NEBL: variants seen among roughly 807,000 people sequenced by gnomAD.
NEBL encodes the protein LIM and SH3 protein 2.
A neutral mutation model predicts 140.2 loss-of-function variants in NEBL; 122 were observed. That is an observed-to-expected ratio of 0.87 (90% CI 0.75 to 1.01). The LOEUF is 1.01. NEBL is among the 50% of genes least tolerant of loss of function. The pLI is 0.00. For missense variants in NEBL, 1,365 were observed against 1,231.3 expected (o/e 1.11, Z -1.62); for synonymous variants, 436 against 398.9 (o/e 1.09, Z -1.11).
intron 2 of NEBL, chr10:21,029,112 C>T (rs1191580473): frequency 1.6e-6 from 2 of 1,254,266 alleles, no homozygotes; most frequent in East Asian, 2.3e-5. Flanking sequence ...CCAAACCAGT[C>T]AGCTGGGCTG....
intron 21 of NEBL, among the ~76,000 whole-genome samples, chr10:20,817,278 G>T (rs1400115630): frequency 6.6e-6 from 1 of 152,082 alleles, no homozygotes; most frequent in Admixed American, 6.6e-5. Flanking sequence ...GAGCTGGGAG[G>T]ATCACTTGAA....
At chr10:20,844,333 G>A (rs1841698929) in intron 12 of NEBL, among the ~76,000 whole-genome samples, 2 of 151,346 alleles carry the variant, frequency 1.3e-5, no homozygotes, top group Admixed American at 1.3e-4. Context: ...TCATATGTAT[G>A]TATGTAATAT....
At chr10:21,156,579 A>T (rs1589293373) in intron 2 of NEBL, among the ~76,000 whole-genome samples, 1 of 152,048 alleles carries the variant, frequency 6.6e-6, no homozygotes, top group South Asian at 2.1e-4. Flanking sequence ...ATCACAGGAC[A>T]TAACTATGCT....
intron 2 of NEBL, among the ~76,000 whole-genome samples, chr10:21,148,069 A>G (rs1018565113): frequency 6.6e-6 from 1 of 152,252 alleles, no homozygotes; most frequent in African/African-American, 2.4e-5. Flanking sequence ...ATACAAGGCT[A>G]GAAGAATTTA....
intron 13 of NEBL, among the ~76,000 whole-genome samples, chr10:20,836,931 A>G (rs962157887): frequency 2.0e-5 from 3 of 152,100 alleles, no homozygotes; most frequent in Non-Finnish European, 4.4e-5. Context: ...GCACCCCTAT[A>G]AGTCAGTGAA....
chr10:20,817,087 C>CA (rs1382782650), intron 21 of NEBL, among the ~76,000 whole-genome samples: 1 of 151,904 alleles, frequency 6.6e-6, no homozygotes. Flanking sequence ...AACAACCTGT[C>CA]AAAAAAAGTC....
intron 4 of NEBL, among the ~76,000 whole-genome samples, chr10:20,954,345 T>C (rs1478855825): frequency 6.6e-6 from 1 of 152,172 alleles, no homozygotes; most frequent in African/African-American, 2.4e-5. Context: ...GTTTATTAAA[T>C]ATGGCAGTGG....
Position 20,842,580 on chromosome 10 carries a change from T to C in NEBL, c.1228-1731A>G, listed in dbSNP as rs79274475. Among the ~76,000 whole-genome samples, 365 of 152,218 alleles carry C rather than the reference T, an allele frequency of 2.4e-3. 12 individuals carry two copies. In the East Asian group the frequency reaches 0.053, roughly 22 times the overall value. On this transcript the variant is annotated intron_variant, in intron 12 of 27. Transcript: ENST00000377122. ...AGACAAGCTATAACTATTTTTTAAGTTAATTTTTAAAAAATTCTTATTGGA... is the reference window on the plus strand; with the variant it reads ...AGACAAGCTATAACTATTTTTTAAGCTAATTTTTAAAAAATTCTTATTGGA...
At chr10:21,158,962 T>C (rs556053566) in intron 2 of NEBL, among the ~76,000 whole-genome samples, 2 of 152,190 alleles carry the variant, frequency 1.3e-5, no homozygotes, top group South Asian at 4.1e-4. Context: ...GTCTTTAGAA[T>C]TGTCACAAGC....
chr10:20,863,852 G>T (rs1843984947), intron 7 of NEBL, among the ~76,000 whole-genome samples: 1 of 152,142 alleles, frequency 6.6e-6, no homozygotes. Context: ...GAGAATAAAG[G>T]GGAGGAGAGC....
intron 2 of NEBL, among the ~76,000 whole-genome samples, chr10:21,061,236 G>A (rs1325047328): frequency 1.3e-5 from 2 of 148,542 alleles, no homozygotes; most frequent in Non-Finnish European, 1.5e-5. Flanking sequence ...ATTATATATT[G>A]TGATATATTA....
At chr10:21,183,526 C>G (rs985546344) in intron 3 of NEBL, among the ~76,000 whole-genome samples, 1 of 152,154 alleles carries the variant, frequency 6.6e-6, no homozygotes, top group Non-Finnish European at 1.5e-5. Context: ...GAACAAAAAC[C>G]AAGAGTCTGG....
At chr10:21,227,791 T>TTCTTC (rs1842189744) in intron 3 of NEBL, among the ~76,000 whole-genome samples, 1 of 146,464 alleles carries the variant, frequency 6.8e-6, no homozygotes, top group African/African-American at 2.6e-5. Context: ...CTTTCTCTTC[T>TTCTTC]TTCTTCTTCT....
chr10:21,174,870 G>A (rs1006290769), upstream of NEBL: 1 of 152,372 alleles, frequency 6.6e-6, no homozygotes, highest in Admixed American at 6.5e-5. Flanking sequence ...GTCATTTTAG[G>A]CCCGAGTCGA....
Position 21,035,687 on chromosome 10 carries a change from G to A in NEBL, c.165-15486C>T, listed in dbSNP as rs61495623. 4.2e-4 allele frequency among the ~76,000 whole-genome samples: 64 copies of A among 152,210 alleles called. No homozygotes were observed. The East Asian group carries it at 0.011, about 27-fold the overall frequency. On this transcript the variant is annotated intron_variant, in intron 2 of 6. Coordinates refer to the NEBL transcript ENST00000417816. The stretch of plus-strand genomic sequence containing the variant: ...ATAGGAAGAAAAGAAGAACTTTGTG[G>A]AAGGTCTGAACTAGACACCATATTT...
At chr10:20,800,243 C>T (rs1269404913) in intron 26 of NEBL, among the ~76,000 whole-genome samples, 3 of 151,318 alleles carry the variant, frequency 2.0e-5, no homozygotes, top group Non-Finnish European at 4.4e-5. Flanking sequence ...CTATGTCTGG[C>T]TTATTTCACT....
intron 24 of NEBL, among the ~76,000 whole-genome samples, chr10:20,812,112 G>A (rs181689145): frequency 3.9e-5 from 6 of 152,104 alleles, no homozygotes; most frequent in Non-Finnish European, 5.9e-5. Flanking sequence ...CCATCAGAAC[G>A]CCCATGGCGT....
At chr10:20,845,867 G>A (rs548261653) in intron 11 of NEBL, among the ~76,000 whole-genome samples, 1 of 152,312 alleles carries the variant, frequency 6.6e-6, no homozygotes, top group Admixed American at 6.5e-5. Context: ...ATGCCTGAGG[G>A]TTAGGGAGGG....
chr10:21,163,804 C>G (rs1188153360), intron 2 of NEBL, among the ~76,000 whole-genome samples: 1 of 152,194 alleles, frequency 6.6e-6, no homozygotes, highest in Non-Finnish European at 1.5e-5. Context: ...TCTCTTCTGG[C>G]TCCTCCTAGA....
Sources: allele counts gnomAD v4.1 joint callset (sites outside exome capture counted in the v4.1 genomes callset), GRCh38; gene constraint gnomAD v4.1.1; transcripts MANE v1.5; gene names NCBI Gene and HGNC (gene_info 2026-07-23, HGNC 2026-07-21).